The following UPF1 variants were observed in gnomAD, a reference collection of about 807,000 sequenced individuals.
UPF1 encodes UPF1 RNA helicase and ATPase.
Under a neutral mutation model 129.2 loss-of-function variants are expected in UPF1, and 9 were observed. The ratio of observed to expected loss-of-function variants is 0.07; its 90% CI spans 0.04 to 0.12. UPF1 has a LOEUF of 0.12. UPF1 is among the 10% of genes least tolerant of loss of function. The pLI, the probability that UPF1 is intolerant of heterozygous loss-of-function variation, is 1.00. For synonymous variants in UPF1, 649 were observed against 644.9 expected (o/e 1.01, Z -0.10); for missense variants, 788 against 1,525.3 (o/e 0.52, Z 8.05).
At chr19:18,837,700 G>A (rs550131483) in intron 1 of UPF1, among the ~76,000 whole-genome samples, 1 of 152,312 alleles carries the variant, frequency 6.6e-6, no homozygotes, top group African/African-American at 2.4e-5. Context: ...TGACCTTGTA[G>A]ATAGATGCTG....
In UPF1 at chr19:18,865,631, C is replaced by T. The variant is rs762661585; in HGVS notation, c.3090C>T (p.Pro1030=). The T allele has an allele frequency of 1.9e-6, 3 of 1,613,854 alleles. No individual in the cohort carries two copies. Among genetic ancestry groups the T allele is most frequent in the Non-Finnish European group, 2.5e-6 (3 of 1,180,044 alleles). ...RQKNRFGLPG[P]SQTNLPNSQA... ...AGAACCGCTTTGGGCTTCCTGGACC[C>T]AGCCAGACTAACCTCCCCAACAGCC... The change falls in exon 22 of 24, where the codon CCC becomes CCT. Residue 1030 remains proline, a synonymous_variant. Coordinates refer to ENST00000262803, the MANE Select transcript of UPF1 (RefSeq NM_002911.4). This position sits in a 1 kb window ranked among gnomAD's most constrained non-coding sequence, Gnocchi z 6.1.
At chr19:18,861,969 G>A in intron 17 of UPF1, 41 bp from the exon 18 acceptor site, 1 of 1,607,102 alleles carries the variant, frequency 6.2e-7, no homozygotes, top group Non-Finnish European at 8.5e-7. Context: ...GACTGGGAAG[G>A]CAGCCTGCTG....
At chr19:18,860,212 G>A in intron 15 of UPF1, 109 bp from the exon 16 acceptor site, 1 of 1,175,198 alleles carries the variant, frequency 8.5e-7, no homozygotes, top group Non-Finnish European at 1.2e-6. Flanking sequence ...GAAGTCTCCT[G>A]CCCCAGGACC....
intron 20 of UPF1, 90 bp downstream of exon 20, chr19:18,864,341 TCTTTC>T (rs1183706163): frequency 8.1e-7 from 1 of 1,241,906 alleles, no homozygotes; most frequent in African/African-American, 1.5e-5. Context: ...GGTGCCCCCA[TCTTTC>T]CTTCCCCTCA....
chr19:18,858,024 A>T lies in UPF1; in HGVS notation c.2182+491A>T, dbSNP rs1277260281. ...GCTTCTGCAAGAGTCAGCCCAGAGC[A>T]GCCAGACTGTGCCCGGATCACAGTA... On this transcript the variant is annotated intron_variant, in intron 15 of 23. Transcript: ENST00000262803. Among the ~76,000 whole-genome samples the T allele has an allele frequency of 3.3e-5, 5 of 152,234 alleles. No individual in the cohort carries two copies. In the East Asian group the frequency reaches 9.6e-4, roughly 29 times the overall value.
chr19:18,855,613 G>A lies in UPF1; in HGVS notation c.1545-312G>A, dbSNP rs1407780046. 8 of 493,742 alleles carry A rather than the reference G, an allele frequency of 1.6e-5. No homozygotes were observed. The East Asian group carries it at 1.9e-4, about 12-fold the overall frequency. 30.6% of individuals were successfully genotyped at this position (493,742 alleles called of 1,614,324 possible). On this transcript the variant is annotated intron_variant, in intron 11 of 23. Coordinates refer to ENST00000262803, the MANE Select transcript of UPF1 (RefSeq NM_002911.4). Reference sequence around the variant, plus strand: ...TCTGGATCTGAGCTCCTTCGGCATCGTGTCATTACTGCCTGTTAAAAATGT... The same window carrying A: ...TCTGGATCTGAGCTCCTTCGGCATCATGTCATTACTGCCTGTTAAAAATGT...
chr19:18,861,620 G>A (rs181642177), intron 17 of UPF1, among the ~76,000 whole-genome samples: 2 of 152,238 alleles, frequency 1.3e-5, no homozygotes, highest in African/African-American at 4.8e-5. Context: ...GTCGCTTGAG[G>A]CTAGGAGTTC....
At chr19:18,845,593 CTT>C (rs1440457680) in intron 1 of UPF1, among the ~76,000 whole-genome samples, 1 of 152,132 alleles carries the variant, frequency 6.6e-6, no homozygotes, top group African/African-American at 2.4e-5. Context: ...TTTGATGAGC[CTT>C]ACACTGTGGT....
intron 11 of UPF1, 68 bp from the exon 12 acceptor site, chr19:18,855,857 A>G: frequency 1.9e-6 from 3 of 1,566,940 alleles, no homozygotes; most frequent in Non-Finnish European, 2.6e-6. Context: ...CAAAAAACAG[A>G]GTCTTGGCTT....
chr19:18,863,427 C>T lies in UPF1; in HGVS notation c.2601-11C>T, dbSNP rs753381417. On this transcript the variant is annotated splice_polypyrimidine_tract_variant and intron_variant, in intron 18 of 23. Transcript: ENST00000262803. ...TCCACCTGCGTCCTCAGCACTGCGC[C>T]CTTGTTGCAGGTATGGCGTCATCAT... 2.6e-5 allele frequency: 42 copies of T among 1,610,846 alleles called. No individual in the cohort carries two copies. The South Asian group carries it at 4.5e-4, about 17-fold the overall frequency.
Position 18,833,371 on chromosome 19 carries a change from T to G in UPF1, c.231+931T>G, listed in dbSNP as rs1222920164. ...ACTCTTGCCTTGGAAAAGTTGGGTT[T>G]GAGTTTTGTTCTTCCAATAAGACAG... On this transcript the variant is annotated intron_variant, in intron 1 of 23. Transcript: ENST00000262803. 3.9e-5 allele frequency: 6 copies of G among 152,248 alleles called. No individual in the cohort carries two copies. In the East Asian group the frequency reaches 1.2e-3, roughly 29 times the overall value. The allele number at this position is 152,248 out of a possible 1,614,324, so 9.4% of individuals were successfully genotyped here.
intron 18 of UPF1, 116 bp from the exon 19 acceptor site, chr19:18,863,322 C>G (rs2055802146): frequency 7.2e-7 from 1 of 1,382,746 alleles, no homozygotes; most frequent in Non-Finnish European, 9.9e-7. Context: ...GCTGCCCGGT[C>G]CACGCCTCTG....
intron 19 of UPF1, 80 bp downstream of exon 19, chr19:18,863,692 C>T (rs924874229): frequency 3.6e-5 from 47 of 1,309,944 alleles, no homozygotes; most frequent in South Asian, 5.2e-5. Flanking sequence ...CAGCTTGGCC[C>T]GTGTGCCCGT....
chr19:18,834,815 G>T (rs1045016658), intron 1 of UPF1, among the ~76,000 whole-genome samples: 1 of 152,194 alleles, frequency 6.6e-6, no homozygotes, highest in Non-Finnish European at 1.5e-5. Flanking sequence ...GGAGTTGGCC[G>T]TGTAACCAGC....
chr19:18,832,713 C>T lies in UPF1; in HGVS notation c.231+273C>T, dbSNP rs894738983. On this transcript the variant is annotated intron_variant, in intron 1 of 23. Transcript: ENST00000262803. The surrounding 1 kb of genome is among the most constrained non-coding windows in gnomAD (Gnocchi z 5.6). The stretch of plus-strand genomic sequence containing the variant: ...TTCGGCCCCCAACTCCTGGGCCGGG[C>T]AGACTTGCCTCGAGTCCTCCACTTC... 1.3e-5 allele frequency among the ~76,000 whole-genome samples: 2 copies of T among 152,022 alleles called. No homozygotes were observed. The highest frequency in any genetic ancestry group is 2.9e-5 in the Non-Finnish European group (2 of 67,976).
chr19:18,862,517 G>A (rs1199303775), intron 18 of UPF1, among the ~76,000 whole-genome samples: 3 of 151,962 alleles, frequency 2.0e-5, no homozygotes, highest in Non-Finnish European at 4.4e-5. Flanking sequence ...CGAGAACAAG[G>A]TGTCCATTCT....
intron 6 of UPF1, 122 bp from the exon 7 acceptor site, chr19:18,852,865 G>A (rs2055675680): frequency 1.9e-5 from 15 of 780,986 alleles, no homozygotes; most frequent in East Asian, 7.4e-5. Flanking sequence ...TGCCACTCAC[G>A]GCGCCTGCTC....
chr19:18,852,089 G>A (rs1408177740), intron 5 of UPF1, 46 bp from the exon 6 acceptor site: 1 of 1,546,734 alleles, frequency 6.5e-7, no homozygotes, highest in Non-Finnish European at 8.7e-7. Flanking sequence ...TCATTTGCAT[G>A]TAGGGAAAAA....
In UPF1 at chr19:18,867,461, G is replaced by T. The variant is rs765905493; in HGVS notation, c.*944G>T. On this transcript the variant is annotated 3_prime_UTR_variant, in exon 24 of 24. Transcript: ENST00000262803. ...TGGCCCTGTGGCCAGGAGGCGAGAAGGTGGCTGTTCCCGGATTGACGGCTT... is the reference window on the plus strand; with the variant it reads ...TGGCCCTGTGGCCAGGAGGCGAGAATGTGGCTGTTCCCGGATTGACGGCTT... 1.3e-5 allele frequency: 2 copies of T among 152,502 alleles called. No individual in the cohort carries two copies. Among genetic ancestry groups the T allele is most frequent in the East Asian group, 1.9e-4 (1 of 5,198 alleles). 9.4% of individuals were successfully genotyped at this position (152,502 alleles called of 1,614,324 possible). A position where few individuals can be genotyped will look rare whatever the true frequency, so the allele number is the denominator to read the frequency against.
Sources: gnomAD v4.1 joint callset for allele counts (sites outside exome capture counted in the v4.1 genomes callset) on GRCh38, gnomAD v4.1.1 for gene constraint, Gnocchi (gnomAD v3.1) non-coding constraint, MANE v1.5 for transcripts, NCBI Gene and HGNC (gene_info 2026-07-23, HGNC 2026-07-21) for gene names.